The following JARID2 variants were observed in gnomAD, a reference collection of about 807,000 sequenced individuals.
The protein encoded by JARID2 is jumonji and AT-rich interaction domain containing 2.
Under a neutral mutation model 125.6 loss-of-function variants are expected in JARID2, and 21 were observed. The ratio of observed to expected loss-of-function variants is 0.17; its 90% confidence interval spans 0.12 to 0.24. The LOEUF is 0.24. Ranked by LOEUF, JARID2 falls within the 10% of genes least tolerant of loss-of-function variation. The pLI, the probability that JARID2 is intolerant of heterozygous loss-of-function variation, is 1.00. For synonymous variants in JARID2, 736 were observed against 661.6 expected (o/e 1.11, Z -1.73); for missense variants, 1,303 against 1,639.6 (o/e 0.79, Z 3.55).
At position 15,271,140 on chromosome 6, in the gene JARID2, T is replaced by C. The variant is rs545119790; in HGVS notation, c.45+24556T>C. 1.1e-3 allele frequency among the ~76,000 whole-genome samples: 162 copies of C among 152,358 alleles called. 1 individual carries two copies. Among genetic ancestry groups the C allele is most frequent in the African/African-American group, 3.5e-3 (145 of 41,582 alleles). On this transcript the variant is annotated intron_variant, in intron 1 of 17. Transcript: ENST00000341776. The stretch of plus-strand genomic sequence containing the variant: ...ATTTTAGTTCTACAAATATTTATTG[T>C]CTACTTTGTATACTTGTCCGATTGG...
chr6:15,252,219 C>T (rs1323214793), intron 1 of JARID2, among the ~76,000 whole-genome samples: 1 of 152,134 alleles, frequency 6.6e-6, no homozygotes, highest in African/African-American at 2.4e-5. Context: ...GAGACTTAAG[C>T]TCAGAAAGAA....
At chr6:15,350,273 A>G (rs1763378818) in intron 1 of JARID2, among the ~76,000 whole-genome samples, 1 of 152,186 alleles carries the variant, frequency 6.6e-6, no homozygotes, top group African/African-American at 2.4e-5. Context: ...GGAAACCAAT[A>G]TGCTGTTATT....
intron 1 of JARID2, among the ~76,000 whole-genome samples, chr6:15,251,209 T>G (rs978979610): frequency 1.3e-5 from 2 of 152,144 alleles, no homozygotes; most frequent in African/African-American, 2.4e-5. Flanking sequence ...TGGAGTTTCA[T>G]TTCACCATAT....
At chr6:15,396,448 G>A (rs1293726059) in intron 2 of JARID2, among the ~76,000 whole-genome samples, 1 of 152,084 alleles carries the variant, frequency 6.6e-6, no homozygotes, top group Non-Finnish European at 1.5e-5. Flanking sequence ...TTTAGTGCAA[G>A]GTGTTTATCA....
intron 3 of JARID2, among the ~76,000 whole-genome samples, chr6:15,428,003 A>G (rs982686146): frequency 1.3e-5 from 2 of 151,954 alleles, no homozygotes; most frequent in Non-Finnish European, 2.9e-5. Context: ...TCTTCTTACT[A>G]CTGTCGCCGT....
chr6:15,384,513 T>C (rs924389705), intron 2 of JARID2, among the ~76,000 whole-genome samples: 7 of 152,196 alleles, frequency 4.6e-5, no homozygotes, highest in Non-Finnish European at 1.0e-4. Flanking sequence ...GTTCTAGTTT[T>C]GGTGGCCAAA....
At chr6:15,365,338 A>G (rs1460196587) in intron 1 of JARID2, among the ~76,000 whole-genome samples, 5 of 152,194 alleles carry the variant, frequency 3.3e-5, no homozygotes. Flanking sequence ...GCGAACCGTC[A>G]GATCCAGCAC....
At chr6:15,409,010 A>G (rs1375674610) in intron 2 of JARID2, among the ~76,000 whole-genome samples, 2 of 152,224 alleles carry the variant, frequency 1.3e-5, no homozygotes, top group Non-Finnish European at 2.9e-5. Context: ...GTTATCACTC[A>G]TACTCTGAAA....
intron 1 of JARID2, among the ~76,000 whole-genome samples, chr6:15,366,575 G>T (rs905316704): frequency 1.3e-5 from 2 of 151,436 alleles, no homozygotes; most frequent in Non-Finnish European, 1.5e-5. Flanking sequence ...GCATTTCTGT[G>T]AATTTTAATA....
intron 1 of JARID2, among the ~76,000 whole-genome samples, chr6:15,290,513 T>C (rs1254435394): frequency 6.6e-6 from 1 of 152,226 alleles, no homozygotes; most frequent in Non-Finnish European, 1.5e-5. Flanking sequence ...TCCACATCCT[T>C]GACAGCTTGG....
intron 5 of JARID2, among the ~76,000 whole-genome samples, chr6:15,470,117 C>T (rs1158328668): frequency 1.3e-5 from 2 of 148,532 alleles, no homozygotes; most frequent in Non-Finnish European, 3.0e-5. Flanking sequence ...GCGGAGGTTG[C>T]AGTGAGCAGA....
At chr6:15,417,453 A>G (rs1581533326) in intron 3 of JARID2, among the ~76,000 whole-genome samples, 1 of 152,164 alleles carries the variant, frequency 6.6e-6, no homozygotes, top group Admixed American at 6.5e-5. Flanking sequence ...ATTTTGGTGT[A>G]TTGGTTGGGT....
chr6:15,264,350 A>C (rs1192328888), intron 1 of JARID2, among the ~76,000 whole-genome samples: 1 of 152,148 alleles, frequency 6.6e-6, no homozygotes, highest in African/African-American at 2.4e-5. Flanking sequence ...TGATGGTATT[A>C]ATCAGTATTT....
rs1221330855 is a variant in JARID2, at chr6:15,501,417, C to A, written c.2448+8C>A. 7 of 1,523,702 alleles carry A rather than the reference C, an allele frequency of 4.6e-6. No individual in the cohort carries two copies. Among genetic ancestry groups the A allele is most frequent in the Non-Finnish European group, 5.3e-6 (6 of 1,138,522 alleles). The allele number at this position is 1,523,702 out of a possible 1,614,324, so 94.4% of individuals were successfully genotyped here. On this transcript the variant is annotated splice_region_variant and intron_variant, in intron 8 of 17. Transcript: ENST00000341776. ...CACAAGTGCATCTATAAGGTAGGGG[C>A]CTCCGCAGAGCAGCCACTCCCAGCT...
intron 5 of JARID2, among the ~76,000 whole-genome samples, chr6:15,474,850 T>A (rs541527609): frequency 1.3e-5 from 2 of 152,346 alleles, no homozygotes; most frequent in South Asian, 4.1e-4. Context: ...TCAACCCCAT[T>A]TACATTGCTA....
chr6:15,254,403 G>A (rs934153198), intron 1 of JARID2, among the ~76,000 whole-genome samples: 6 of 152,142 alleles, frequency 3.9e-5, no homozygotes, highest in Non-Finnish European at 8.8e-5. Context: ...GGAGCACTGG[G>A]GAAATCATAT....
intron 3 of JARID2, among the ~76,000 whole-genome samples, chr6:15,413,491 C>G (rs997781043): frequency 3.3e-5 from 5 of 152,156 alleles, no homozygotes; most frequent in African/African-American, 1.2e-4. Flanking sequence ...TTTCTGGAGG[C>G]TTGGTATTCA....
In JARID2 at chr6:15,473,547, C is replaced by T. The variant is rs997893867; in HGVS notation, c.670+4829C>T. Among the ~76,000 whole-genome samples the T allele has an allele frequency of 2.2e-5, 3 of 137,482 alleles. No homozygotes were observed. In the East Asian group the frequency reaches 7.5e-4, roughly 34 times the overall value. The allele number at this position is 137,482 out of a possible 152,430, so 90.2% of individuals were successfully genotyped here. A position where few individuals can be genotyped will look rare whatever the true frequency, so the allele number is the denominator to read the frequency against. On this transcript the variant is annotated intron_variant, in intron 5 of 17. Coordinates refer to ENST00000341776, the MANE Select transcript of JARID2 (RefSeq NM_004973.4). ...CCCCCCCCCGCTTTGTGTCCTGCCACCCACCTCACACCCATATACCAAGGT... is the reference window on the plus strand; with the variant it reads ...CCCCCCCCCGCTTTGTGTCCTGCCATCCACCTCACACCCATATACCAAGGT...
intron 3 of JARID2, among the ~76,000 whole-genome samples, chr6:15,412,035 T>C (rs1765900403): frequency 6.6e-6 from 1 of 152,236 alleles, no homozygotes; most frequent in Admixed American, 6.5e-5. Context: ...TGGAATTCTT[T>C]AAGGTAGTAG....
Sources: allele counts gnomAD v4.1 joint callset (sites outside exome capture counted in the v4.1 genomes callset), GRCh38; gene constraint gnomAD v4.1.1; transcripts MANE v1.5; gene names NCBI Gene and HGNC (gene_info 2026-07-23, HGNC 2026-07-21).